The following SLC7A14 variants were observed in gnomAD, a reference collection of about 807,000 sequenced individuals.
SLC7A14 encodes gamma-aminobutyric acid transporter SLC7A14.
Under a neutral mutation model 60.2 loss-of-function variants are expected in SLC7A14, and 37 were observed. The observed-to-expected ratio is 0.61, with a 90% CI of 0.47 to 0.81. The LOEUF is 0.81. Ranked by LOEUF, SLC7A14 falls within the 30% of genes least tolerant of loss-of-function variation. SLC7A14 has a pLI of 0.00. For missense variants in SLC7A14, 886 were observed against 982.7 expected, an observed-to-expected ratio of 0.90 and a Z score of 1.32; for synonymous variants, 399 against 395.8, an observed-to-expected ratio of 1.01 and a Z score of -0.10.
At chr3:170,533,691 T>G (rs1477190640) in intron 1 of SLC7A14, among the ~76,000 whole-genome samples, 1 of 151,654 alleles carries the variant, frequency 6.6e-6, no homozygotes, top group Admixed American at 6.6e-5. Flanking sequence ...TGTGTGTGTG[T>G]GCACGCACAC....
chr3:170,514,351 G>A (rs1425683663), intron 2 of SLC7A14, among the ~76,000 whole-genome samples: 2 of 152,218 alleles, frequency 1.3e-5, no homozygotes, highest in African/African-American at 2.4e-5. Context: ...CCTGTCTCAG[G>A]TGTTTATCCC....
chr3:170,486,253 G>C lies in SLC7A14; in HGVS notation c.875C>G (p.Ser292Cys), dbSNP rs537614189. ...NTSIPYAITA[S>C]LVICLTAYVS... is the part of the protein sequence containing the mutation. ...ATATGCTGTCAGGCAGATGACCAGG[G>C]AGGCAGTGATAGCATAAGGGATGGA... Residue 292 changes from serine to cysteine, a missense_variant, in exon 5 of 8, where the codon TCC becomes TGC. Ser to Cys is a moderately radical substitution (Grantham distance 112). Coordinates refer to ENST00000231706, the MANE Select transcript of SLC7A14 (RefSeq NM_020949.3). 35 of 1,614,196 alleles carry C rather than the reference G, an allele frequency of 2.2e-5. No individual in the cohort carries two copies. The South Asian group carries it at 3.3e-4, about 15-fold the overall frequency.
At chr3:170,470,938 A>T (rs1293462819) in intron 7 of SLC7A14, among the ~76,000 whole-genome samples, 1 of 152,198 alleles carries the variant, frequency 6.6e-6, no homozygotes, top group Non-Finnish European at 1.5e-5. Flanking sequence ...GGGAATCCTG[A>T]ATCATCTAAA....
At chr3:170,471,015 T>G (rs867342367) in intron 7 of SLC7A14, among the ~76,000 whole-genome samples, 10 of 152,150 alleles carry the variant, frequency 6.6e-5, no homozygotes, top group African/African-American at 1.9e-4. Flanking sequence ...GTTGCACCTT[T>G]GTCCCAAAGA....
intron 1 of SLC7A14, among the ~76,000 whole-genome samples, chr3:170,542,810 G>T (rs992698886): frequency 2.0e-5 from 3 of 152,184 alleles, no homozygotes; most frequent in African/African-American, 7.2e-5. Flanking sequence ...TCCTTTAGAA[G>T]ATTTTTAATG....
chr3:170,462,491 T>C lies in SLC7A14; in HGVS notation c.*4564A>G, dbSNP rs1023872196. 2 of 152,212 alleles carry C rather than the reference T, an allele frequency of 1.3e-5. No homozygotes were observed. The highest frequency in any genetic ancestry group is 4.8e-5 in the African/African-American group (2 of 41,464). 9.4% of individuals were successfully genotyped at this position (152,212 alleles called of 1,614,324 possible). ...ATAGATTCTGAAGAAGGATGGATTGTTAAATTCAACAACTCCCTTCCGCCC... is the reference window on the plus strand; with the variant it reads ...ATAGATTCTGAAGAAGGATGGATTGCTAAATTCAACAACTCCCTTCCGCCC... On this transcript the variant is annotated 3_prime_UTR_variant, in exon 8 of 8. Transcript: ENST00000231706.
At chr3:170,583,703 C>T (rs1715298866) in intron 1 of SLC7A14, among the ~76,000 whole-genome samples, 2 of 152,248 alleles carry the variant, frequency 1.3e-5, no homozygotes, top group Non-Finnish European at 2.9e-5. Flanking sequence ...CTCTAGTTCT[C>T]CAGACTTCCT....
intron 2 of SLC7A14, among the ~76,000 whole-genome samples, chr3:170,511,830 C>A (rs141661325): frequency 1.3e-5 from 2 of 152,328 alleles, no homozygotes; most frequent in African/African-American, 4.8e-5. Flanking sequence ...GGAGAAGTTT[C>A]TTCCTAGGTT....
chr3:170,484,857 G>A (rs1711967392), intron 5 of SLC7A14, among the ~76,000 whole-genome samples: 1 of 152,176 alleles, frequency 6.6e-6, no homozygotes, highest in Non-Finnish European at 1.5e-5. Context: ...GGGTGGGCTG[G>A]AGGAGAGTGG....
intron 1 of SLC7A14, among the ~76,000 whole-genome samples, chr3:170,562,165 A>G (rs1439352938): frequency 6.6e-6 from 1 of 152,216 alleles, no homozygotes; most frequent in Non-Finnish European, 1.5e-5. Context: ...AATAAAAGTC[A>G]TTACAGGAAA....
At chr3:170,487,681 A>G (rs1474644692) in intron 4 of SLC7A14, among the ~76,000 whole-genome samples, 1 of 152,226 alleles carries the variant, frequency 6.6e-6, no homozygotes, top group African/African-American at 2.4e-5. Flanking sequence ...AACTTTGCTC[A>G]TCTGTAAAAT....
At chr3:170,534,641 T>C (rs886998900) in intron 1 of SLC7A14, among the ~76,000 whole-genome samples, 1 of 152,244 alleles carries the variant, frequency 6.6e-6, no homozygotes, top group African/African-American at 2.4e-5. Context: ...TGTTCATTCC[T>C]GCATTTCCAC....
intron 2 of SLC7A14, among the ~76,000 whole-genome samples, chr3:170,518,691 T>C (rs562671263): frequency 6.3e-4 from 96 of 152,144 alleles, no homozygotes; most frequent in Non-Finnish European, 1.0e-3. Context: ...ATTATTTTGG[T>C]TGGGGAAAGA....
intron 1 of SLC7A14, among the ~76,000 whole-genome samples, chr3:170,546,129 T>C (rs1185082964): frequency 6.6e-6 from 1 of 152,244 alleles, no homozygotes; most frequent in African/African-American, 2.4e-5. Context: ...GCTAGCAGGC[T>C]GCCCATCTAA....
intron 1 of SLC7A14, among the ~76,000 whole-genome samples, chr3:170,584,694 C>T (rs557973359): frequency 6.6e-6 from 1 of 152,276 alleles, no homozygotes; most frequent in South Asian, 2.1e-4. Context: ...TAGCACCCAG[C>T]CTCTGAGAAC....
intron 1 of SLC7A14, among the ~76,000 whole-genome samples, chr3:170,581,212 T>C (rs1357957263): frequency 6.6e-6 from 1 of 152,192 alleles, no homozygotes; most frequent in East Asian, 1.9e-4. Flanking sequence ...ATTCTTGTTC[T>C]GATTGATCTA....
chr3:170,549,562 A>G (rs1271809757), intron 1 of SLC7A14, among the ~76,000 whole-genome samples: 1 of 152,148 alleles, frequency 6.6e-6, no homozygotes, highest in Non-Finnish European at 1.5e-5. Flanking sequence ...CTGCTCCTCT[A>G]TAGCTCTTAT....
chr3:170,582,745 GA>G (rs1240571183), intron 1 of SLC7A14, among the ~76,000 whole-genome samples: 1 of 152,178 alleles, frequency 6.6e-6, no homozygotes, highest in African/African-American at 2.4e-5. Flanking sequence ...AGAGATGAGA[GA>G]GCAAAACAGT....
In SLC7A14 at chr3:170,496,604, C is replaced by T. The variant is rs1431200034; in HGVS notation, c.759+2063G>A. On this transcript the variant is annotated intron_variant, in intron 4 of 7. Transcript: ENST00000231706. Reference sequence around the variant, plus strand: ...CCCTGGACATGGAGATCGCCACCTACAGGAAGCTGCTGGAGGGCGAGGAGA... The same window carrying T: ...CCCTGGACATGGAGATCGCCACCTATAGGAAGCTGCTGGAGGGCGAGGAGA... 31 of 1,586,352 alleles carry T rather than the reference C, an allele frequency of 2.0e-5. 1 individual carries two copies. The highest frequency in any genetic ancestry group is 3.7e-4 in the Middle Eastern group (2 of 5,338).
Sources: allele counts gnomAD v4.1 joint callset (sites outside exome capture counted in the v4.1 genomes callset), GRCh38; gene constraint gnomAD v4.1.1; transcripts MANE v1.5; gene names NCBI Gene and HGNC (gene_info 2026-07-23, HGNC 2026-07-21).